SUOX: variants seen among roughly 807,000 people sequenced by gnomAD.
SUOX encodes sulfite oxidase, mitochondrial.
A neutral mutation model predicts 41.9 loss-of-function variants in SUOX; 39 were observed. The observed-to-expected ratio is 0.93, with a 90% CI of 0.72 to 1.21. The LOEUF (loss-of-function observed/expected upper bound fraction) is 1.21. Among genes scored for constraint, SUOX ranks in the 50% most tolerant of loss-of-function variants. SUOX has a pLI of 0.00. For synonymous variants in SUOX, 220 were observed against 268.4 expected (o/e 0.82, Z 1.76); for missense variants, 633 against 689.5 (o/e 0.92, Z 0.92).
intron 4 of SUOX, chr12:56,003,014 C>A: frequency 3.5e-5 from 10 of 289,308 alleles, no homozygotes; most frequent in South Asian, 8.8e-5. Context: ...GCCTGGGTGA[C>A]AGAGTGAGAC....
chr12:55,998,544 G>A (rs1045249818), intron 2 of SUOX, among the ~76,000 whole-genome samples: 1 of 151,530 alleles, frequency 6.6e-6, no homozygotes, highest in Non-Finnish European at 1.5e-5. Flanking sequence ...ACCCTGTCAG[G>A]GGCAGGGGGA....
chr12:56,004,907 T>C lies in SUOX; in HGVS notation c.1518T>C (p.Ile506=), dbSNP rs1304681979. The stretch of plus-strand genomic sequence containing the variant: ...CAGCTGGACAAAAGGAACTGAACAT[T>C]GTTTGTAAGGCTGTGGATGATGGTT... ...PVPAGQKELN[I]VCKAVDDGYN... is the part of the protein sequence containing the mutation. The change falls in exon 5 of 5, where the codon ATT becomes ATC. Residue 506 remains isoleucine (I), a synonymous_variant. Transcript: ENST00000266971. The surrounding 1 kb of genome is among the most constrained non-coding windows in gnomAD (Gnocchi z 4.5). 6.2e-7 allele frequency: 1 copy of C among 1,613,934 alleles called. No homozygotes were observed. The highest frequency in any genetic ancestry group is 1.1e-5 in the South Asian group (1 of 91,080).
intron 2 of SUOX, among the ~76,000 whole-genome samples, chr12:56,000,257 C>T (rs1890464757): frequency 6.6e-6 from 1 of 152,232 alleles, no homozygotes. Flanking sequence ...GGGGCTCAGG[C>T]ATGGCGGGCT....
chr12:55,997,914 C>T (rs905277926), intron 2 of SUOX, among the ~76,000 whole-genome samples, 191 bp downstream of exon 2: 1 of 152,028 alleles, frequency 6.6e-6, no homozygotes, highest in Admixed American at 6.5e-5. Context: ...TCAGTGCTCT[C>T]TGTTCAGCAA....
In SUOX at chr12:56,005,455, G is replaced by C. The variant is rs1890707886; in HGVS notation, c.*428G>C. The C allele has an allele frequency of 2.1e-6, 1 of 466,716 alleles. No homozygotes were observed. The highest frequency in any genetic ancestry group is 3.2e-5 in the East Asian group (1 of 31,098). 28.9% of individuals were successfully genotyped at this position (466,716 alleles called of 1,614,324 possible). A position where few individuals can be genotyped will look rare whatever the true frequency, so the allele number is the denominator to read the frequency against. On this transcript the variant is annotated 3_prime_UTR_variant, in exon 5 of 5. Transcript: ENST00000266971. ...CTCCAGGTTGCCAGAGAGTTGCGAG[G>C]AGAGCAAGGGGCACAACCGTCTCCC...
chr12:56,004,530 C>T lies in SUOX; in HGVS notation c.1141C>T (p.Leu381=), dbSNP rs1472686635. The T allele has an allele frequency of 1.9e-6, 3 of 1,613,968 alleles. No homozygotes were observed. Among genetic ancestry groups the T allele is most frequent in the East Asian group, 2.2e-5 (1 of 44,892 alleles). ...GGTGGGTGCCCGCCATGTCAAATGG[C>T]TGGGCAGAGTGAGTGTGCAGCCAGA... The part of the protein sequence containing the change: ...GVVGARHVKW[L]GRVSVQPEES... Residue 381 remains leucine, a synonymous_variant, in exon 5 of 5, where the codon CTG becomes TTG. Coordinates refer to ENST00000266971, the MANE Select transcript of SUOX (RefSeq NM_001032386.2). This position sits in a 1 kb window ranked among gnomAD's most constrained non-coding sequence, Gnocchi z 4.5.
chr12:56,001,118 C>CTTTTTTTTTTTT (rs1234069085), intron 2 of SUOX, among the ~76,000 whole-genome samples: 2 of 51,252 alleles, frequency 3.9e-5, no homozygotes, highest in African/African-American at 8.1e-5. Flanking sequence ...GTTAATCTCT[C>CTTTTTTTTTTTT]TTTTTTTTTT....
intron 4 of SUOX, 178 bp downstream of exon 4, chr12:56,002,898 A>G: frequency 1.6e-6 from 1 of 626,510 alleles, no homozygotes; most frequent in Non-Finnish European, 2.8e-6. Context: ...GTGGTGGTAC[A>G]TACCTGTAAT....
chr12:55,997,285 C>G lies in SUOX; in HGVS notation c.-174C>G, dbSNP rs1460593595. On this transcript the variant is annotated 5_prime_UTR_variant, in exon 1 of 5. Coordinates refer to ENST00000266971, the MANE Select transcript of SUOX (RefSeq NM_001032386.2). The stretch of plus-strand genomic sequence containing the variant: ...TAACGGCGCTGGCCCCGCCCCTTCT[C>G]GAGAACTCGCAGAGCTGGGCTGGTA... 2 of 152,308 alleles carry G rather than the reference C, an allele frequency of 1.3e-5. No individual in the cohort carries two copies. The highest frequency in any genetic ancestry group is 2.4e-5 in the African/African-American group (1 of 41,444). The allele number at this position is 152,308 out of a possible 1,614,324, so 9.4% of individuals were successfully genotyped here.
chr12:56,001,954 T>C, intron 2 of SUOX: 1 of 1,352,344 alleles, frequency 7.4e-7, no homozygotes, highest in South Asian at 1.5e-5. Context: ...GAAAGGTGAT[T>C]CTGATTCTAG....
chr12:56,003,559 C>T (rs1328979780), intron 4 of SUOX, 59 bp from the exon 5 acceptor site: 2 of 1,558,270 alleles, frequency 1.3e-6, no homozygotes, highest in Non-Finnish European at 1.8e-6. Flanking sequence ...CCACGCCCGA[C>T]CAAGTGATTT....
rs184307679 is a variant in SUOX, at chr12:56,005,350, T to C, written c.*323T>C. 295 of 587,724 alleles carry C rather than the reference T, an allele frequency of 5.0e-4. 1 individual carries two copies. In the African/African-American group the frequency reaches 5.2e-3, roughly 10 times the overall value. 36.4% of individuals were successfully genotyped at this position (587,724 alleles called of 1,614,324 possible). A position where few individuals can be genotyped will look rare whatever the true frequency, so the allele number is the denominator to read the frequency against. On this transcript the variant is annotated 3_prime_UTR_variant, in exon 5 of 5. Coordinates refer to ENST00000266971, the MANE Select transcript of SUOX (RefSeq NM_001032386.2). ...AATGCCTACTGCCATCAAGGCCTTG[T>C]TTTGCTTTTCTTTTTGGATTGTTCA...
In SUOX at chr12:56,004,438, A is replaced by G; in HGVS notation, c.1049A>G (p.Tyr350Cys). The G allele has an allele frequency of 6.2e-7, 1 of 1,614,058 alleles. No individual in the cohort carries two copies. The highest frequency in any genetic ancestry group is 8.5e-7 in the Non-Finnish European group (1 of 1,179,986). Residue 350 changes from tyrosine to cysteine, a missense_variant, in exon 5 of 5, where the codon TAT becomes TGT. Coordinates refer to ENST00000266971, the MANE Select transcript of SUOX (RefSeq NM_001032386.2). This position sits in a 1 kb window ranked among gnomAD's most constrained non-coding sequence, Gnocchi z 4.5. ...CCTGAAGCTGAGGTCCTGCTGGCAT[A>G]TGAGATGAATGGGCAGCCTCTGCCA... ...MDPEAEVLLAYEMNGQPLPRD... is the reference protein window; with the variant it reads ...MDPEAEVLLACEMNGQPLPRD...
At chr12:55,999,780 C>T (rs1005497834) in intron 2 of SUOX, among the ~76,000 whole-genome samples, 5 of 152,106 alleles carry the variant, frequency 3.3e-5, no homozygotes, top group African/African-American at 9.7e-5. Flanking sequence ...TTGGTAGAGC[C>T]GAGTGGTCTG....
At chr12:56,002,836 AC>A in intron 4 of SUOX, 116 bp downstream of exon 4, 2 of 1,245,384 alleles carry the variant, frequency 1.6e-6, no homozygotes, top group Non-Finnish European at 2.3e-6. Context: ...GGAGTTTGAG[AC>A]CAGCCTGGGC....
At chr12:55,998,892 G>A (rs1890408507) in intron 2 of SUOX, among the ~76,000 whole-genome samples, 2 of 151,442 alleles carry the variant, frequency 1.3e-5, no homozygotes, top group South Asian at 2.1e-4. Context: ...TCGACCTCCT[G>A]GACTCAAGCC....
rs1364100096 is a variant in SUOX, at chr12:56,002,619, C to T, written c.127C>T (p.Leu43Phe). The part of the protein sequence containing the change: ...NDSFQPQRPS[L>F]TFSGDNSSTQ... ...TTCATTTCAGCCCCAGCGCCCCAGCCTCACCTTCTCTGGTGATAACTCCAG... is the reference window on the plus strand; with the variant it reads ...TTCATTTCAGCCCCAGCGCCCCAGCTTCACCTTCTCTGGTGATAACTCCAG... The change falls in exon 4 of 5, where the codon CTC becomes TTC. Residue 43 changes from leucine to phenylalanine, a missense_variant. Transcript: ENST00000266971. 6.2e-7 allele frequency: 1 copy of T among 1,614,086 alleles called. No homozygotes were observed. Among genetic ancestry groups the T allele is most frequent in the Admixed American group, 1.7e-5 (1 of 59,992 alleles).
At chr12:55,998,938 C>T (rs111878892) in intron 2 of SUOX, among the ~76,000 whole-genome samples, 5 of 151,882 alleles carry the variant, frequency 3.3e-5, no homozygotes, top group South Asian at 2.1e-4. Context: ...CCCACCACCC[C>T]GGTAGCTGAG....
At chr12:56,000,848 G>A (rs1324989042) in intron 2 of SUOX, among the ~76,000 whole-genome samples, 1 of 151,906 alleles carries the variant, frequency 6.6e-6, no homozygotes, top group South Asian at 2.1e-4. Context: ...GTGCAGTGGC[G>A]CGATCTCGGC....
Sources: allele counts gnomAD v4.1 joint callset (sites outside exome capture counted in the v4.1 genomes callset), GRCh38; gene constraint gnomAD v4.1.1; non-coding constraint Gnocchi (gnomAD v3.1); transcripts MANE v1.5; gene names NCBI Gene and HGNC (gene_info 2026-07-23, HGNC 2026-07-21).